The following TDP1 variants were observed in gnomAD, a reference collection of about 807,000 sequenced individuals.
TDP1 encodes tyr-DNA phosphodiesterase 1.
A neutral mutation model predicts 81.5 loss-of-function variants in TDP1; 64 were observed. The ratio of observed to expected loss-of-function variants is 0.79; its 90% CI spans 0.64 to 0.97. TDP1 has a LOEUF of 0.97. TDP1 is among the 50% of genes least tolerant of loss of function. The probability of loss-of-function intolerance (pLI) is 0.00; values close to 1 mark genes in which losing one functional copy is unlikely to be tolerated. For synonymous variants in TDP1, 256 were observed against 264.3 expected (o/e 0.97, Z 0.30); for missense variants, 723 against 743.8 (o/e 0.97, Z 0.33).
chr14:89,987,669 T>C (rs1023594004), intron 10 of TDP1, among the ~76,000 whole-genome samples: 2 of 152,098 alleles, frequency 1.3e-5, no homozygotes, highest in Non-Finnish European at 2.9e-5. Flanking sequence ...GGGCATACTT[T>C]GGGTTGTAAA....
chr14:90,029,696 A>G (rs1220162800), intron 15 of TDP1, among the ~76,000 whole-genome samples: 11 of 140,792 alleles, frequency 7.8e-5, no homozygotes, highest in African/African-American at 2.4e-4. Flanking sequence ...ACAGGGTTTC[A>G]CTATGTTGAT....
intron 12 of TDP1, among the ~76,000 whole-genome samples, 168 bp downstream of exon 12, chr14:89,989,933 C>G (rs1265917674): frequency 6.6e-6 from 1 of 152,214 alleles, no homozygotes; most frequent in Non-Finnish European, 1.5e-5. Flanking sequence ...TGATACCCTT[C>G]AGTTTGGGTG....
chr14:89,988,737 AT>A (rs1428967763), intron 10 of TDP1, 167 bp from the exon 11 acceptor site: 2 of 983,534 alleles, frequency 2.0e-6, no homozygotes, highest in Non-Finnish European at 2.4e-6. Context: ...TTTAAAAAAA[AT>A]TTCCCAAAGA....
chr14:90,024,399 T>C (rs780909182), intron 15 of TDP1, among the ~76,000 whole-genome samples: 1 of 152,168 alleles, frequency 6.6e-6, no homozygotes, highest in Non-Finnish European at 1.5e-5. Context: ...TCAGCACATA[T>C]CCCACCTTGC....
rs1453714527 is a variant in TDP1, at chr14:89,971,316, G to C, written c.756+45G>C. 1.5e-5 allele frequency: 22 copies of C among 1,440,388 alleles called. No homozygotes were observed. In the East Asian group the frequency reaches 5.0e-4, roughly 33 times the overall value. 89.2% of individuals were successfully genotyped at this position (1,440,388 alleles called of 1,614,324 possible). ...TGGAGAGCACGCGTAGTCTGAGTTA[G>C]AAGGAAACTTAGACATTTAGTCCAC... On this transcript the variant is annotated intron_variant, in intron 6 of 16. Coordinates refer to ENST00000335725, the MANE Select transcript of TDP1 (RefSeq NM_018319.4).
chr14:90,026,754 C>T (rs1234857257), intron 15 of TDP1, among the ~76,000 whole-genome samples: 1 of 152,286 alleles, frequency 6.6e-6, no homozygotes. Flanking sequence ...ATGATGGTTT[C>T]CAGCTTCATC....
intron 15 of TDP1, among the ~76,000 whole-genome samples, chr14:90,031,156 G>A (rs1174422496): frequency 6.6e-6 from 1 of 151,582 alleles, no homozygotes; most frequent in Non-Finnish European, 1.5e-5. Flanking sequence ...TGTGCACAAT[G>A]TGCAGGTTAG....
At chr14:89,974,100 AGT>A in intron 6 of TDP1, among the ~76,000 whole-genome samples, 1 of 152,312 alleles carries the variant, frequency 6.6e-6, no homozygotes, top group East Asian at 1.9e-4. Context: ...GGGGGACAGA[AGT>A]GTTTAGTCTA....
intron 2 of TDP1, among the ~76,000 whole-genome samples, chr14:89,959,027 A>G (rs1892012850): frequency 6.6e-6 from 1 of 152,244 alleles, no homozygotes; most frequent in Non-Finnish European, 1.5e-5. Flanking sequence ...AAGCATTTCT[A>G]CAACACTACA....
At chr14:90,011,127 A>G (rs1884651610) in intron 14 of TDP1, among the ~76,000 whole-genome samples, 1 of 152,194 alleles carries the variant, frequency 6.6e-6, no homozygotes, top group South Asian at 2.1e-4. Flanking sequence ...GCCTGCCACC[A>G]TGTAAGGCAT....
chr14:90,014,271 A>G (rs1052142205), intron 14 of TDP1, among the ~76,000 whole-genome samples: 1 of 152,204 alleles, frequency 6.6e-6, no homozygotes, highest in Non-Finnish European at 1.5e-5. Context: ...TACAACTTGA[A>G]TCTTTTACAG....
At chr14:89,994,189 A>C (rs923324766) in intron 14 of TDP1, among the ~76,000 whole-genome samples, 2 of 152,252 alleles carry the variant, frequency 1.3e-5, no homozygotes, top group Non-Finnish European at 2.9e-5. Flanking sequence ...TAATTAAAGT[A>C]TCACAGAGTA....
chr14:90,017,912 G>C (rs1370456584), intron 14 of TDP1, among the ~76,000 whole-genome samples: 1 of 152,118 alleles, frequency 6.6e-6, no homozygotes, highest in African/African-American at 2.4e-5. Context: ...TGTGGTCCTT[G>C]TGCAAAGGTT....
intron 7 of TDP1, among the ~76,000 whole-genome samples, chr14:89,978,698 G>A (rs769824522): frequency 1.6e-4 from 25 of 152,110 alleles, no homozygotes; most frequent in Non-Finnish European, 2.9e-4. Flanking sequence ...CCTGATAATC[G>A]ATGTCTTGAC....
At chr14:90,025,331 A>G (rs930564350) in intron 15 of TDP1, among the ~76,000 whole-genome samples, 9 of 152,238 alleles carry the variant, frequency 5.9e-5, no homozygotes, top group African/African-American at 2.2e-4. Context: ...TAAAGATGCC[A>G]TTTGAAACCT....
chr14:89,989,336 G>C lies in TDP1; in HGVS notation c.1317+246G>C, dbSNP rs1481923048. The C allele has an allele frequency of 3.0e-6, 3 of 985,228 alleles. No homozygotes were observed. In the African/African-American group the frequency reaches 5.2e-5, roughly 17 times the overall value. The allele number at this position is 985,228 out of a possible 1,614,324, so 61.0% of individuals were successfully genotyped here. On this transcript the variant is annotated intron_variant, in intron 11 of 16. Coordinates refer to ENST00000335725, the MANE Select transcript of TDP1 (RefSeq NM_018319.4). The stretch of plus-strand genomic sequence containing the variant: ...GTTCAGGAGCTCCATTGCAGACACA[G>C]ACTGGCCTGTGATTTTTCTATCCTT...
chr14:89,998,843 G>C (rs1220026953), intron 14 of TDP1, among the ~76,000 whole-genome samples: 1 of 151,982 alleles, frequency 6.6e-6, no homozygotes, highest in East Asian at 1.9e-4. Flanking sequence ...AGCAGTAGTG[G>C]GTGGCCAGAC....
At chr14:89,969,386 G>A (rs1005809998) in intron 5 of TDP1, among the ~76,000 whole-genome samples, 6 of 152,156 alleles carry the variant, frequency 3.9e-5, no homozygotes, top group African/African-American at 1.2e-4. Flanking sequence ...TCCAGAATTT[G>A]TATGTAGAAA....
At chr14:89,960,190 C>T (rs577232643) in intron 2 of TDP1, among the ~76,000 whole-genome samples, 38 of 152,276 alleles carry the variant, frequency 2.5e-4, no homozygotes, top group African/African-American at 8.7e-4. Context: ...GAAATAGTTT[C>T]TTCAAAGTGT....
Sources: allele counts gnomAD v4.1 joint callset (sites outside exome capture counted in the v4.1 genomes callset), GRCh38; gene constraint gnomAD v4.1.1; transcripts MANE v1.5; gene names NCBI Gene and HGNC (gene_info 2026-07-23, HGNC 2026-07-21).